The following NEO1 variants were observed in gnomAD, a reference collection of about 807,000 sequenced individuals.
The protein encoded by NEO1 is neogenin 1.
NEO1 carries 63 observed loss-of-function variants against 159.7 expected under a neutral mutation model. That is an observed-to-expected ratio of 0.39 (90% CI 0.32 to 0.49). The LOEUF (loss-of-function observed/expected upper bound fraction) is 0.49, where lower values mean the gene tolerates loss of function less well. NEO1 is among the 20% of genes least tolerant of loss of function. The pLI is 0.85. For synonymous variants in NEO1, 633 were observed against 662.0 expected (o/e 0.96, Z 0.67); for missense variants, 1,615 against 1,831.0 (o/e 0.88, Z 2.15).
intron 7 of NEO1, among the ~76,000 whole-genome samples, chr15:73,180,638 A>G (rs2035551586): frequency 6.6e-6 from 1 of 152,206 alleles, no homozygotes. Flanking sequence ...TCTAACTCTA[A>G]CAGTAGAAAT....
chr15:73,211,442 C>A (rs1050248498), intron 7 of NEO1, among the ~76,000 whole-genome samples: 3 of 152,212 alleles, frequency 2.0e-5, no homozygotes, highest in East Asian at 1.9e-4. Context: ...TGGGGCCGGG[C>A]GTGTTGGCTC....
intron 1 of NEO1, among the ~76,000 whole-genome samples, chr15:73,090,189 A>T (rs1364359375): frequency 8.5e-5 from 13 of 152,174 alleles, no homozygotes; most frequent in African/African-American, 2.9e-4. Flanking sequence ...TATTCCATTT[A>T]TTTTATTTTA....
chr15:73,053,966 C>T (rs2067583538), intron 1 of NEO1, among the ~76,000 whole-genome samples: 1 of 152,214 alleles, frequency 6.6e-6, no homozygotes, highest in African/African-American at 2.4e-5. Context: ...GTATGTAGCT[C>T]ATGGCTTTTG....
chr15:73,224,015 C>A (rs371087514), intron 7 of NEO1, among the ~76,000 whole-genome samples: 6 of 152,226 alleles, frequency 3.9e-5, no homozygotes, highest in African/African-American at 1.4e-4. Flanking sequence ...GTTCTTTCAG[C>A]ATTTGCTTGT....
chr15:73,155,063 T>C (rs2033679775), intron 5 of NEO1, among the ~76,000 whole-genome samples: 1 of 152,126 alleles, frequency 6.6e-6, no homozygotes, highest in African/African-American at 2.4e-5. Flanking sequence ...TGTCAACCTT[T>C]CATTACCACA....
chr15:73,142,937 G>T (rs1449416879), intron 5 of NEO1, among the ~76,000 whole-genome samples: 1 of 152,174 alleles, frequency 6.6e-6, no homozygotes, highest in Non-Finnish European at 1.5e-5. Context: ...TTGGAAACTA[G>T]ATCGAAAAGA....
chr15:73,088,607 G>A (rs1484212609), intron 1 of NEO1, among the ~76,000 whole-genome samples: 1 of 152,030 alleles, frequency 6.6e-6, no homozygotes, highest in Non-Finnish European at 1.5e-5. Context: ...CAAATAGGAG[G>A]CAAGGCTATC....
chr15:73,254,683 G>A lies in NEO1; in HGVS notation c.1946G>A (p.Ser649Asn). The part of the protein sequence containing the change: ...NLSLEVRNSK[S>N]IMIHWQPPAP... The stretch of plus-strand genomic sequence containing the variant: ...TTTCTATAATTCTGTCTTGTGCAGA[G>A]TATTATGATTCACTGGCAGCCACCT... The change falls in exon 13 of 29, where the codon AGT (serine) becomes AAT (asparagine). Residue 649 changes from serine (S) to asparagine (N), a missense_variant and splice_region_variant. Ser to Asn is a conservative substitution (Grantham distance 46). Coordinates refer to ENST00000261908, the MANE Select transcript of NEO1 (RefSeq NM_002499.4). 6.2e-7 allele frequency: 1 copy of A among 1,612,270 alleles called. No individual in the cohort carries two copies.
intron 1 of NEO1, among the ~76,000 whole-genome samples, chr15:73,086,286 A>G (rs574235055): frequency 6.6e-6 from 1 of 152,306 alleles, no homozygotes; most frequent in Non-Finnish European, 1.5e-5. Context: ...ATTGATCTAT[A>G]TATCTGTCCT....
chr15:73,184,899 G>A (rs1293771160), intron 7 of NEO1, among the ~76,000 whole-genome samples: 1 of 152,130 alleles, frequency 6.6e-6, no homozygotes, highest in African/African-American at 2.4e-5. Flanking sequence ...CTGCACTCCA[G>A]CCTGGGTGAC....
intron 17 of NEO1, 32 bp downstream of exon 17, chr15:73,270,265 C>G: frequency 6.2e-7 from 1 of 1,613,694 alleles, no homozygotes; most frequent in Non-Finnish European, 8.5e-7. Context: ...CTGAAAAAAG[C>G]TAATCATTGA....
chr15:73,287,693 C>T (rs565796417), intron 23 of NEO1, among the ~76,000 whole-genome samples: 1 of 152,184 alleles, frequency 6.6e-6, no homozygotes, highest in Admixed American at 6.5e-5. Flanking sequence ...ACAGCCTGGC[C>T]AACATGGTGA....
At chr15:73,145,367 G>A (rs2032801275) in intron 5 of NEO1, among the ~76,000 whole-genome samples, 1 of 152,178 alleles carries the variant, frequency 6.6e-6, no homozygotes, top group Non-Finnish European at 1.5e-5. Context: ...TTGGAGGGCA[G>A]TTTGGTAATT....
At chr15:73,175,950 A>C (rs1249078555) in intron 5 of NEO1, among the ~76,000 whole-genome samples, 1 of 151,902 alleles carries the variant, frequency 6.6e-6, no homozygotes, top group Non-Finnish European at 1.5e-5. Flanking sequence ...CTGTTTAAGG[A>C]CTCTAATGTG....
At chr15:73,171,981 G>T (rs2035004573) in intron 5 of NEO1, among the ~76,000 whole-genome samples, 1 of 152,058 alleles carries the variant, frequency 6.6e-6, no homozygotes, top group Non-Finnish European at 1.5e-5. Flanking sequence ...TGGTATCATG[G>T]TTATGTTTAG....
rs750256381 is a variant in NEO1, at chr15:73,272,492, T to C, written c.2895T>C (p.Ser965=). Residue 965 remains serine, a synonymous_variant, in exon 19 of 29, where the codon AGT becomes AGC. Coordinates refer to ENST00000261908, the MANE Select transcript of NEO1 (RefSeq NM_002499.4). ...CACCCAAGGATGTGACTGTTGTGAG[T>C]AAAGAGGGGAAACCTAAGACCATAA... ...TSPPKDVTVV[S]KEGKPKTIIV... is the part of the protein sequence containing the mutation. 6.2e-7 allele frequency: 1 copy of C among 1,614,060 alleles called. No homozygotes were observed. Among genetic ancestry groups the C allele is most frequent in the East Asian group, 2.2e-5 (1 of 44,880 alleles).
At chr15:73,106,617 G>A (rs1190729733) in intron 1 of NEO1, among the ~76,000 whole-genome samples, 2 of 152,074 alleles carry the variant, frequency 1.3e-5, no homozygotes, top group African/African-American at 4.8e-5. Flanking sequence ...TGCAGATATG[G>A]TGGTTACAAT....
chr15:73,114,648 G>T (rs1288696456), intron 1 of NEO1, among the ~76,000 whole-genome samples: 1 of 152,098 alleles, frequency 6.6e-6, no homozygotes, highest in Non-Finnish European at 1.5e-5. Context: ...AATTTTGGGG[G>T]TATTTTTTCA....
chr15:73,289,356 C>A, intron 25 of NEO1, 118 bp downstream of exon 25: 3 of 846,918 alleles, frequency 3.5e-6, no homozygotes, highest in South Asian at 1.5e-5. Context: ...TCTACCAAAG[C>A]TTTGACACCT....
Sources: gnomAD v4.1 joint callset for allele counts (sites outside exome capture counted in the v4.1 genomes callset) on GRCh38, gnomAD v4.1.1 for gene constraint, MANE v1.5 for transcripts, NCBI Gene and HGNC (gene_info 2026-07-23, HGNC 2026-07-21) for gene names.